The following SMIM7 variants were observed in gnomAD, a reference collection of about 807,000 sequenced individuals.
SMIM7 encodes small integral membrane protein 7.
SMIM7 carries 12 observed loss-of-function variants against 13.3 expected under a neutral mutation model. The observed-to-expected ratio is 0.90, with a 90% CI of 0.58 to 1.46. The LOEUF is 1.46. Ranked by LOEUF, SMIM7 falls within the 40% of genes most tolerant of loss-of-function variation. The pLI is 0.00. For missense variants in SMIM7, 114 were observed against 94.8 expected (o/e 1.20, Z -0.84); for synonymous variants, 36 against 35.8 (o/e 1.01, Z -0.02).
chr19:16,656,598 G>A (rs1308016433), intron 3 of SMIM7, among the ~76,000 whole-genome samples: 1 of 150,636 alleles, frequency 6.6e-6, no homozygotes, highest in African/African-American at 2.4e-5. Flanking sequence ...AGGGTGGGAG[G>A]TAAAAAAAAA....
At position 16,659,282 on chromosome 19, in the gene SMIM7, CAAAAAAA is replaced by C. The variant is rs752864646; in HGVS notation, c.121+106_121+112del. On this transcript the variant is annotated intron_variant, in intron 3 of 4. Transcript: ENST00000487416. ...TGGACAACAGAGCAAGACCTTGTGT[CAAAAAAA>C]AAAAAAAAAAAAAAAGAGAAAGAAA... The C allele has an allele frequency of 1.6e-3, 862 of 549,830 alleles. 1 individual carries two copies. Among genetic ancestry groups the C allele is most frequent in the Middle Eastern group, 8.0e-3 (18 of 2,260 alleles). 34.1% of individuals were successfully genotyped at this position (549,830 alleles called of 1,614,324 possible).
exon 5 of SMIM7, chr19:16,630,837 T>G (rs1033989702): frequency 6.6e-6 from 1 of 152,248 alleles, no homozygotes; most frequent in Non-Finnish European, 1.5e-5. Context: ...ATTGTAGTCT[T>G]GAAAACATTA....
At chr19:16,639,892 G>T (rs1203051662) in intron 4 of SMIM7, 2 of 152,062 alleles carry the variant, frequency 1.3e-5, no homozygotes, top group Non-Finnish European at 2.9e-5. Flanking sequence ...GCATAACTGT[G>T]AGTCAATTAA....
At position 16,646,994 on chromosome 19, in the gene SMIM7, C is replaced by A. The variant is rs2086456651; in HGVS notation, c.*252G>T. On this transcript the variant is annotated 3_prime_UTR_variant, in exon 5 of 5. Transcript: ENST00000487416. Reference sequence around the variant, plus strand: ...AATGCAATTTCATCACAGCCCCTTACATAAACGCTCCTGAAACCCTTTCAG... The same window carrying A: ...AATGCAATTTCATCACAGCCCCTTAAATAAACGCTCCTGAAACCCTTTCAG... 2 of 579,912 alleles carry A rather than the reference C, an allele frequency of 3.4e-6. No homozygotes were observed. Among genetic ancestry groups the A allele is most frequent in the African/African-American group, 1.9e-5 (1 of 53,370 alleles). The allele number at this position is 579,912 out of a possible 1,614,324, so 35.9% of individuals were successfully genotyped here. A position where few individuals can be genotyped will look rare whatever the true frequency, so the allele number is the denominator to read the frequency against.
intron 4 of SMIM7, chr19:16,636,134 T>C (rs1435141681): frequency 6.6e-6 from 1 of 151,444 alleles, no homozygotes; most frequent in African/African-American, 2.4e-5. Context: ...AAGAAAGAGG[T>C]AGAGGAGTCA....
At chr19:16,658,723 G>C (rs1426916601) in intron 3 of SMIM7, among the ~76,000 whole-genome samples, 2 of 152,198 alleles carry the variant, frequency 1.3e-5, no homozygotes, top group Non-Finnish European at 2.9e-5. Flanking sequence ...CTATGTGTGA[G>C]GTTGTTCATT....
Position 16,647,209 on chromosome 19 carries a change from T to A in SMIM7, c.*37A>T, listed in dbSNP as rs767188129. On this transcript the variant is annotated 3_prime_UTR_variant, in exon 5 of 5. Coordinates refer to ENST00000487416, the MANE Select transcript of SMIM7 (RefSeq NM_024104.4). The stretch of plus-strand genomic sequence containing the variant: ...GGAATGGAGGAATGGAGACTCGGCA[T>A]CCCGGGAAAGTGAGTTCCTGGTTTC... The A allele has an allele frequency of 3.1e-6, 5 of 1,613,754 alleles. No homozygotes were observed. Among genetic ancestry groups the A allele is most frequent in the African/African-American group, 1.3e-5 (1 of 75,018 alleles).
chr19:16,652,023 G>A (rs1381154811), intron 4 of SMIM7, among the ~76,000 whole-genome samples: 4 of 149,012 alleles, frequency 2.7e-5, no homozygotes, highest in African/African-American at 7.5e-5. Flanking sequence ...TTGCAAAGAC[G>A]AGAATGAGGG....
At chr19:16,659,876 G>A (rs2086651394) in intron 2 of SMIM7, 83 bp downstream of exon 2, 6 of 1,525,478 alleles carry the variant, frequency 3.9e-6, no homozygotes, top group Non-Finnish European at 5.3e-6. Context: ...GGCGGGGCCT[G>A]AGAAGTGCGC....
At chr19:16,649,226 T>C (rs544140101) in intron 4 of SMIM7, among the ~76,000 whole-genome samples, 3 of 149,984 alleles carry the variant, frequency 2.0e-5, no homozygotes, top group Non-Finnish European at 3.0e-5. Flanking sequence ...CTTTGGGAGG[T>C]TGAGGTGGGT....
At chr19:16,643,585 T>C (rs9305081), downstream of SMIM7, among the ~76,000 whole-genome samples, 914 of 152,180 alleles carry the variant, frequency 6.0e-3, 12 homozygotes, top group African/African-American at 0.021. Context: ...TTAGTAGAGA[T>C]AGGGTTTCAC....
intron 4 of SMIM7, among the ~76,000 whole-genome samples, chr19:16,639,673 G>A (rs376732125): frequency 2.0e-5 from 3 of 152,194 alleles, no homozygotes; most frequent in East Asian, 3.9e-4. Context: ...ATGTGTGGTG[G>A]CAGAGACCTG....
intron 4 of SMIM7, chr19:16,653,008 T>C (rs1410578316): frequency 6.5e-7 from 1 of 1,544,864 alleles, no homozygotes; most frequent in South Asian, 1.2e-5. Context: ...AAAGTCTGAA[T>C]ACATTTCTAC....
rs531573393 is a variant in SMIM7, at chr19:16,649,918, G to A, written c.213-2657C>T. ...CCATTTATATAAACTGTCCACATGA[G>A]GCAAATCCACAGAGACAGGAAGCCG... On this transcript the variant is annotated intron_variant, in intron 4 of 4. Coordinates refer to ENST00000487416, the MANE Select transcript of SMIM7 (RefSeq NM_024104.4). Among the ~76,000 whole-genome samples, 14 of 152,152 alleles carry A rather than the reference G, an allele frequency of 9.2e-5. No homozygotes were observed. The South Asian group carries it at 2.7e-3, about 29-fold the overall frequency.
intron 4 of SMIM7, among the ~76,000 whole-genome samples, chr19:16,651,834 C>A (rs983172594): frequency 1.5e-5 from 2 of 135,470 alleles, no homozygotes; most frequent in African/African-American, 5.6e-5. Flanking sequence ...TTCTTCCCTG[C>A]CCCAGGACCT....
chr19:16,658,352 GA>G (rs1450342296), intron 3 of SMIM7, among the ~76,000 whole-genome samples: 7 of 152,230 alleles, frequency 4.6e-5, no homozygotes, highest in African/African-American at 1.7e-4. Context: ...TCTGGTGAAT[GA>G]AAGAATTAAT....
chr19:16,643,072 G>A (rs1252065589), downstream of SMIM7, among the ~76,000 whole-genome samples: 1 of 152,040 alleles, frequency 6.6e-6, no homozygotes, highest in African/African-American at 2.4e-5. Flanking sequence ...AAAGTGCTGG[G>A]ATTACAGGCG....
intron 3 of SMIM7, among the ~76,000 whole-genome samples, chr19:16,656,627 C>T (rs1008797947): frequency 6.6e-6 from 1 of 150,918 alleles, no homozygotes; most frequent in African/African-American, 2.4e-5. Context: ...AGCCGGGTGC[C>T]GTCGCTCAAG....
chr19:16,659,949 A>AT lies in SMIM7; in HGVS notation c.68+9_68+10insA. 1.2e-6 allele frequency: 2 copies of AT among 1,601,460 alleles called. No homozygotes were observed. Among genetic ancestry groups the AT allele is most frequent in the Admixed American group, 3.7e-5 (2 of 53,966 alleles). On this transcript the variant is annotated intron_variant, in intron 2 of 4. Transcript: ENST00000487416. Reference sequence around the variant, plus strand: ...CGGATGGAGCCGCAGTCCGGCCGCGACCTACTCACAGCTTAAAGTTCAGCA... The same window carrying AT: ...CGGATGGAGCCGCAGTCCGGCCGCGATCCTACTCACAGCTTAAAGTTCAGCA...
Sources: gnomAD v4.1 joint callset for allele counts (sites outside exome capture counted in the v4.1 genomes callset) on GRCh38, gnomAD v4.1.1 for gene constraint, MANE v1.5 for transcripts, NCBI Gene and HGNC (gene_info 2026-07-23, HGNC 2026-07-21) for gene names.